Variants in PCDHGC4 observed in about 807,000 individuals in gnomAD.
PCDHGC4 encodes the protein protocadherin gamma-C4.
A neutral mutation model predicts 59.7 loss-of-function variants in PCDHGC4; 15 were observed. The observed-to-expected ratio is 0.25, with a 90% CI of 0.17 to 0.39. The LOEUF is 0.39. Ranked by LOEUF, PCDHGC4 falls within the 10% of genes least tolerant of loss-of-function variation. The pLI, the probability that PCDHGC4 is intolerant of heterozygous loss-of-function variation, is 1.00. For synonymous variants in PCDHGC4, 434 were observed against 481.4 expected, an observed-to-expected ratio of 0.90 and a Z score of 1.29; for missense variants, 1,016 against 1,189.5, an observed-to-expected ratio of 0.85 and a Z score of 2.15.
intron 3 of PCDHGC4, among the ~76,000 whole-genome samples, chr5:141,510,208 G>A (rs560746333): frequency 2.0e-5 from 3 of 151,866 alleles, no homozygotes; most frequent in Admixed American, 1.3e-4. Context: ...AGGAGGCAGA[G>A]GTTGCAGTGA....
chr5:141,508,731 A>C (rs1596169554), intron 3 of PCDHGC4, among the ~76,000 whole-genome samples: 6 of 145,538 alleles, frequency 4.1e-5, no homozygotes, highest in African/African-American at 5.1e-5. Context: ...GGGAGACTAC[A>C]CCCCCCACCC....
chr5:141,485,561 G>A lies in PCDHGC4; in HGVS notation c.388G>A (p.Ala130Thr). 1.9e-6 allele frequency: 3 copies of A among 1,613,008 alleles called. No homozygotes were observed. The highest frequency in any genetic ancestry group is 1.1e-5 in the South Asian group (1 of 91,026). ...AGAGATCGTAGATGTGAATGATCACGCCCCCCGTTTTCCGCGGCAGCAGCT... is the reference window on the plus strand; with the variant it reads ...AGAGATCGTAGATGTGAATGATCACACCCCCCGTTTTCCGCGGCAGCAGCT... ...EVEIVDVNDHAPRFPRQQLDL... is the reference protein window; with the variant it reads ...EVEIVDVNDHTPRFPRQQLDL... Residue 130 changes from alanine to threonine, a missense_variant, in exon 1 of 4, where the codon GCC becomes ACC. Transcript: ENST00000306593. The surrounding 1 kb of genome is among the most constrained non-coding windows in gnomAD (Gnocchi z 5.7).
intron 2 of PCDHGC4, among the ~76,000 whole-genome samples, chr5:141,497,539 C>A (rs2099777336): frequency 6.9e-6 from 1 of 145,274 alleles, no homozygotes; most frequent in African/African-American, 2.6e-5. Context: ...ATGCAACAAA[C>A]CTTTTTTTTT....
chr5:141,486,371 G>T lies in PCDHGC4; in HGVS notation c.1198G>T (p.Ala400Ser). 1.9e-6 allele frequency: 3 copies of T among 1,614,138 alleles called. No homozygotes were observed. The highest frequency in any genetic ancestry group is 2.5e-6 in the Non-Finnish European group (3 of 1,180,010). Residue 400 changes from alanine (A) to serine (S), a missense_variant, in exon 1 of 4, where the codon GCC becomes TCC. Coordinates refer to ENST00000306593, the MANE Select transcript of PCDHGC4 (RefSeq NM_018928.3). The surrounding 1 kb of genome is among the most constrained non-coding windows in gnomAD (Gnocchi z 5.0). ...PDHLPFALKS[A>S]FRNQFSLVTA... ...CCACTTGCCATTTGCCCTCAAGTCT[G>T]CCTTCAGGAACCAGTTCTCCCTGGT...
At position 141,494,880 on chromosome 5, in the gene PCDHGC4, C is replaced by G. The variant is rs950094823; in HGVS notation, c.2501+15C>G. On this transcript the variant is annotated intron_variant, in intron 2 of 3. Transcript: ENST00000306593. ...GGCACCAGCGGGTAGGTGACTGATT[C>G]TCCAGCCCACCCTCTTCTCTGCGGC... The G allele has an allele frequency of 3.7e-6, 6 of 1,614,040 alleles. No individual in the cohort carries two copies. The African/African-American group carries it at 6.7e-5, about 18-fold the overall frequency.
In PCDHGC4 at chr5:141,512,809, A is replaced by C. The variant is rs2099884438; in HGVS notation, c.*1636A>C. ...GTGTTTTGTGCTGTGTCCACGCGCT[A>C]AGGCGACCCCCTCCCCCGTACTGAC... On this transcript the variant is annotated 3_prime_UTR_variant, in exon 4 of 4. Coordinates refer to ENST00000306593, the MANE Select transcript of PCDHGC4 (RefSeq NM_018928.3). 6.6e-6 allele frequency: 1 copy of C among 152,130 alleles called. No homozygotes were observed. The highest frequency in any genetic ancestry group is 2.4e-5 in the African/African-American group (1 of 41,404). The allele number at this position is 152,130 out of a possible 1,614,324, so 9.4% of individuals were successfully genotyped here. A position where few individuals can be genotyped will look rare whatever the true frequency, so the allele number is the denominator to read the frequency against.
Position 141,487,506 on chromosome 5 carries a change from C to T in PCDHGC4, c.2333C>T (p.Ala778Val). 1 of 1,614,220 alleles carries T rather than the reference C, an allele frequency of 6.2e-7. No homozygotes were observed. The highest frequency in any genetic ancestry group is 8.5e-7 in the Non-Finnish European group (1 of 1,180,046). Residue 778 changes from alanine to valine, a missense_variant, in exon 1 of 4, where the codon GCA becomes GTA. Ala to Val is a moderately conservative substitution (Grantham distance 64). Coordinates refer to ENST00000306593, the MANE Select transcript of PCDHGC4 (RefSeq NM_018928.3). The surrounding 1 kb of genome is among the most constrained non-coding windows in gnomAD (Gnocchi z 5.0). ...CATGGCTGTACACCCTTGGCTTCTG[C>T]ACCCACTCGGAGTGATAGCTTCATG... The part of the protein sequence containing the change: ...HSHGCTPLAS[A>V]PTRSDSFMMV...
At position 141,489,300 on chromosome 5, in the gene PCDHGC4, C is replaced by T; in HGVS notation, c.2442+1685C>T. 1 of 1,585,700 alleles carries T rather than the reference C, an allele frequency of 6.3e-7. No individual in the cohort carries two copies. The highest frequency in any genetic ancestry group is 1.3e-5 in the African/African-American group (1 of 74,388). On this transcript the variant is annotated intron_variant, in intron 1 of 3. Coordinates refer to ENST00000306593, the MANE Select transcript of PCDHGC4 (RefSeq NM_018928.3). This position sits in a 1 kb window ranked among gnomAD's most constrained non-coding sequence, Gnocchi z 4.5. The stretch of plus-strand genomic sequence containing the variant: ...AATGGCAAGTGCTGTGCATGTTGTC[C>T]TTGTGCTGCTGGGGCTGGGTGTCTG...
chr5:141,509,882 G>A (rs1374735632), intron 3 of PCDHGC4, among the ~76,000 whole-genome samples: 1 of 152,182 alleles, frequency 6.6e-6, no homozygotes. Context: ...GGTGGTGATG[G>A]TGACTGACTG....
Position 141,493,554 on chromosome 5 carries a change from G to A in PCDHGC4, c.2443-1253G>A, listed in dbSNP as rs2099748882. The stretch of plus-strand genomic sequence containing the variant: ...GGCCAGTTATCCTTTTGGAGATTGA[G>A]TTCCCCCAGCTCCGTTTCCTCCTAT... On this transcript the variant is annotated intron_variant, in intron 1 of 3. Coordinates refer to ENST00000306593, the MANE Select transcript of PCDHGC4 (RefSeq NM_018928.3). The surrounding 1 kb of genome is among the most constrained non-coding windows in gnomAD (Gnocchi z 4.3). 6.6e-6 allele frequency among the ~76,000 whole-genome samples: 1 copy of A among 152,166 alleles called. No homozygotes were observed. Among genetic ancestry groups the A allele is most frequent in the Admixed American group, 6.5e-5 (1 of 15,282 alleles).
At chr5:141,496,994 T>A (rs2099773177) in intron 2 of PCDHGC4, among the ~76,000 whole-genome samples, 1 of 151,862 alleles carries the variant, frequency 6.6e-6, no homozygotes, top group Non-Finnish European at 1.5e-5. Flanking sequence ...GAGACCAGCC[T>A]GGCAGCCAAC....
rs568314069 is a variant in PCDHGC4 at position 141,486,371 on chromosome 5, G to C, written c.1198G>C (p.Ala400Pro). 53 of 1,614,138 alleles carry C rather than the reference G, an allele frequency of 3.3e-5. 2 individuals are homozygous for C. The South Asian group carries it at 5.3e-4, about 16-fold the overall frequency. ...PDHLPFALKS[A>P]FRNQFSLVTA... is the part of the protein sequence containing the mutation. Reference sequence around the variant, plus strand: ...CCACTTGCCATTTGCCCTCAAGTCTGCCTTCAGGAACCAGTTCTCCCTGGT... The same window carrying C: ...CCACTTGCCATTTGCCCTCAAGTCTCCCTTCAGGAACCAGTTCTCCCTGGT... Residue 400 changes from alanine (A) to proline (P), a missense_variant, in exon 1 of 4, where the codon GCC becomes CCC. Transcript: ENST00000306593. The surrounding 1 kb of genome is among the most constrained non-coding windows in gnomAD (Gnocchi z 5.0).
Position 141,485,831 on chromosome 5 carries a change from C to T in PCDHGC4, c.658C>T (p.Pro220Ser). 1 of 1,614,080 alleles carries T rather than the reference C, an allele frequency of 6.2e-7. No individual in the cohort carries two copies. The highest frequency in any genetic ancestry group is 8.5e-7 in the Non-Finnish European group (1 of 1,180,026). ...GCTGACTGCTGTCGATGGAGGGAAC[C>T]CGCCGAGATCTGGCACCGCAGAGCT... Reference protein sequence around the residue: ...LVLTAVDGGNPPRSGTAELRV... With the variant: ...LVLTAVDGGNSPRSGTAELRV... Residue 220 changes from proline (P) to serine (S), a missense_variant, in exon 1 of 4, where the codon CCG becomes TCG. By Grantham distance (74) the Pro-to-Ser change is moderately conservative. Coordinates refer to ENST00000306593, the MANE Select transcript of PCDHGC4 (RefSeq NM_018928.3). This position sits in a 1 kb window ranked among gnomAD's most constrained non-coding sequence, Gnocchi z 5.7.
rs767291767 is a variant in PCDHGC4, at chr5:141,487,668, T to C, written c.2442+53T>C. ...CTTGAGGGTTATTCTGATCCAGGCA[T>C]ATGGCTAGGCCATGTCCTAGAGAGT... is the stretch of plus-strand genomic sequence containing the variant. On this transcript the variant is annotated intron_variant, in intron 1 of 3. Transcript: ENST00000306593. The surrounding 1 kb of genome is among the most constrained non-coding windows in gnomAD (Gnocchi z 5.0). 1.9e-6 allele frequency: 3 copies of C among 1,612,658 alleles called. No homozygotes were observed. Among genetic ancestry groups the C allele is most frequent in the South Asian group, 1.1e-5 (1 of 90,650 alleles).
chr5:141,504,078 C>T (rs1333392062), intron 2 of PCDHGC4, among the ~76,000 whole-genome samples: 1 of 152,078 alleles, frequency 6.6e-6, no homozygotes, highest in Non-Finnish European at 1.5e-5. Flanking sequence ...CCAGATGGTG[C>T]CAAACAGTTA....
At chr5:141,499,553 A>T (rs1215178587) in intron 2 of PCDHGC4, among the ~76,000 whole-genome samples, 3 of 152,206 alleles carry the variant, frequency 2.0e-5, no homozygotes, top group African/African-American at 4.8e-5. Context: ...CCTGTATGAT[A>T]CCACTATCCA....
intron 3 of PCDHGC4, chr5:141,508,415 A>T (rs2099868684): frequency 6.6e-6 from 1 of 152,158 alleles, no homozygotes; most frequent in Non-Finnish European, 1.5e-5. Context: ...CCACGCAGAG[A>T]CTTGACCAAG....
At position 141,491,052 on chromosome 5, in the gene PCDHGC4, G is replaced by A. The variant is rs2099707642; in HGVS notation, c.2442+3437G>A. ...ATGCTGATGCAGGCCACAATGCGTG[G>A]CTCTCCTACTCACTGTTGCCACAGT... On this transcript the variant is annotated intron_variant, in intron 1 of 3. Transcript: ENST00000306593. The surrounding 1 kb of genome is among the most constrained non-coding windows in gnomAD (Gnocchi z 6.9). 3.1e-6 allele frequency: 5 copies of A among 1,614,038 alleles called. No individual in the cohort carries two copies. The highest frequency in any genetic ancestry group is 4.2e-6 in the Non-Finnish European group (5 of 1,180,032).
Position 141,490,731 on chromosome 5 carries a change from G to A in PCDHGC4, c.2442+3116G>A, listed in dbSNP as rs139283997. The A allele has an allele frequency of 6.8e-6, 11 of 1,614,080 alleles. No homozygotes were observed. In the African/African-American group the frequency reaches 1.1e-4, roughly 16 times the overall value. Reference sequence around the variant, plus strand: ...TCACCTACTCCATTGTAGGAAATCAGGTTCAGGGAGCCCCAGCCTCCTCCT... The same window carrying A: ...TCACCTACTCCATTGTAGGAAATCAAGTTCAGGGAGCCCCAGCCTCCTCCT... On this transcript the variant is annotated intron_variant, in intron 1 of 3. Transcript: ENST00000306593. The surrounding 1 kb of genome is among the most constrained non-coding windows in gnomAD (Gnocchi z 5.4).
Sources: gnomAD v4.1 joint callset for allele counts (sites outside exome capture counted in the v4.1 genomes callset) on GRCh38, gnomAD v4.1.1 for gene constraint, Gnocchi (gnomAD v3.1) non-coding constraint, MANE v1.5 for transcripts, NCBI Gene and HGNC (gene_info 2026-07-23, HGNC 2026-07-21) for gene names.